The following CSMD3 variants were observed in gnomAD, a reference collection of about 807,000 sequenced individuals.
CSMD3 encodes the protein CUB and sushi domain-containing protein 3.
CSMD3 carries 177 observed loss-of-function variants against 435.2 expected under a neutral mutation model. The ratio of observed to expected loss-of-function variants is 0.41; its 90% CI spans 0.36 to 0.46. The LOEUF (loss-of-function observed/expected upper bound fraction) is 0.46, where lower values mean the gene tolerates loss of function less well. Among genes scored for constraint, CSMD3 ranks in the 20% least tolerant of loss-of-function variants. The pLI is 0.34. For missense variants in CSMD3, 4,265 were observed against 4,504.6 expected (o/e 0.95, Z 1.52); for synonymous variants, 1,656 against 1,520.5 (o/e 1.09, Z -2.07).
chr8:112,376,213 T>A (rs1828927866), intron 38 of CSMD3, among the ~76,000 whole-genome samples: 1 of 152,164 alleles, frequency 6.6e-6, no homozygotes, highest in Admixed American at 6.6e-5. Context: ...GCTTTATCTT[T>A]CTGAATCTTC....
rs575480181 is a variant in CSMD3 at position 112,237,493 on chromosome 8, T to C, written c.10469-145A>G. The stretch of plus-strand genomic sequence containing the variant: ...TGTGTTACAAAATTAATTCTTCATA[T>C]AAAAATGTTTCCATTTTTTAGAATA... On this transcript the variant is annotated intron_variant, in intron 66 of 70. Coordinates refer to ENST00000297405, the MANE Select transcript of CSMD3 (RefSeq NM_198123.2). The C allele has an allele frequency of 5.0e-4, 337 of 678,596 alleles. 2 individuals carry two copies. The highest frequency in any genetic ancestry group is 8.2e-4 in the Non-Finnish European group (324 of 394,272). 42.0% of individuals were successfully genotyped at this position (678,596 alleles called of 1,614,324 possible).
At chr8:113,339,172 A>T (rs2094099763) in intron 1 of CSMD3, among the ~76,000 whole-genome samples, 1 of 151,994 alleles carries the variant, frequency 6.6e-6, no homozygotes, top group African/African-American at 2.4e-5. Context: ...CAATATTTTA[A>T]ACATAATGAA....
At chr8:112,485,280 T>C (rs1250259287) in intron 31 of CSMD3, among the ~76,000 whole-genome samples, 3 of 152,144 alleles carry the variant, frequency 2.0e-5, no homozygotes, top group Non-Finnish European at 2.9e-5. Context: ...TTCCAACACA[T>C]AATCTGTGTA....
At chr8:113,216,532 C>G (rs2092908216) in intron 3 of CSMD3, among the ~76,000 whole-genome samples, 1 of 151,804 alleles carries the variant, frequency 6.6e-6, no homozygotes, top group African/African-American at 2.4e-5. Context: ...AAACAAGCTT[C>G]AAAAAATGTT....
At chr8:113,041,347 G>A (rs2087607917) in intron 5 of CSMD3, among the ~76,000 whole-genome samples, 1 of 151,906 alleles carries the variant, frequency 6.6e-6, no homozygotes, top group Non-Finnish European at 1.5e-5. Flanking sequence ...ATAAAAATAG[G>A]AAGAGAAATG....
intron 48 of CSMD3, 81 bp from the exon 49 acceptor site, chr8:112,314,133 T>A (rs2130833518): frequency 1.9e-6 from 2 of 1,065,078 alleles, no homozygotes; most frequent in Non-Finnish European, 2.8e-6. Flanking sequence ...TTTAGAATAG[T>A]ATTAAATATG....
chr8:113,079,723 T>A (rs2089480997), intron 5 of CSMD3, among the ~76,000 whole-genome samples: 1 of 152,092 alleles, frequency 6.6e-6, no homozygotes, highest in Admixed American at 6.5e-5. Flanking sequence ...AATTCAGAAA[T>A]GTTTTTTTCG....
chr8:112,888,788 G>A (rs1029512222), intron 10 of CSMD3, among the ~76,000 whole-genome samples: 15 of 151,544 alleles, frequency 9.9e-5, no homozygotes, highest in Non-Finnish European at 1.9e-4. Flanking sequence ...TCTTTCCCAG[G>A]TGTCAGAGAG....
chr8:113,350,997 A>T (rs547147896), intron 1 of CSMD3, among the ~76,000 whole-genome samples: 1 of 152,018 alleles, frequency 6.6e-6, no homozygotes, highest in African/African-American at 2.4e-5. Context: ...CTTTAGGTTC[A>T]CAATGCCCTG....
intron 4 of CSMD3, among the ~76,000 whole-genome samples, chr8:113,173,019 C>CAAAA (rs2092293251): frequency 1.3e-5 from 2 of 152,072 alleles, no homozygotes; most frequent in African/African-American, 4.8e-5. Context: ...TAAACAAATG[C>CAAAA]AGCATAATTA....
chr8:113,122,596 A>G (rs2091015912), intron 4 of CSMD3, among the ~76,000 whole-genome samples: 1 of 152,030 alleles, frequency 6.6e-6, no homozygotes, highest in South Asian at 2.1e-4. Flanking sequence ...GAGGGAGAAG[A>G]AGGAATCAGA....
chr8:112,408,479 A>T (rs1338657648), intron 33 of CSMD3, 66 bp from the exon 34 acceptor site: 29 of 973,086 alleles, frequency 3.0e-5, no homozygotes, highest in Non-Finnish European at 4.2e-5. Flanking sequence ...AACAAATTAT[A>T]TTATAATCTT....
At position 113,405,110 on chromosome 8, in the gene CSMD3, A is replaced by C. The variant is rs138414277; in HGVS notation, c.178+31567T>G. Among the ~76,000 whole-genome samples the C allele has an allele frequency of 9.4e-4, 142 of 151,670 alleles. 1 individual carries two copies. The highest frequency in any genetic ancestry group is 3.1e-3 in the African/African-American group (130 of 41,528). Reference sequence around the variant, plus strand: ...TAACAATTTCATAAAGCTATGAAGGAGGCTTTCTTTGTGTTTAATCCCAGT... The same window carrying C: ...TAACAATTTCATAAAGCTATGAAGGCGGCTTTCTTTGTGTTTAATCCCAGT... On this transcript the variant is annotated intron_variant, in intron 1 of 70. Transcript: ENST00000297405.
chr8:112,999,009 T>C (rs952637619), intron 6 of CSMD3, among the ~76,000 whole-genome samples: 1 of 152,022 alleles, frequency 6.6e-6, no homozygotes, highest in African/African-American at 2.4e-5. Flanking sequence ...CAGGTATTTC[T>C]TTACAGCAGT....
At chr8:113,022,504 T>C (rs920814879) in intron 5 of CSMD3, among the ~76,000 whole-genome samples, 3 of 151,810 alleles carry the variant, frequency 2.0e-5, no homozygotes, top group South Asian at 2.1e-4. Context: ...ATATTTCAGA[T>C]AGTGGCAAAT....
intron 1 of CSMD3, among the ~76,000 whole-genome samples, chr8:113,337,857 A>C (rs562668694): frequency 2.0e-4 from 31 of 152,000 alleles, no homozygotes; most frequent in African/African-American, 7.2e-4. Flanking sequence ...TTTACCACAA[A>C]AAAAAAATGA....
At chr8:112,431,748 T>C (rs761495419) in intron 32 of CSMD3, among the ~76,000 whole-genome samples, 1 of 152,150 alleles carries the variant, frequency 6.6e-6, no homozygotes, top group African/African-American at 2.4e-5. Flanking sequence ...AGCTACATAC[T>C]CCTTTTTGAG....
At chr8:113,335,011 T>C (rs545126791) in intron 1 of CSMD3, among the ~76,000 whole-genome samples, 83 of 152,074 alleles carry the variant, frequency 5.5e-4, no homozygotes, top group Non-Finnish European at 1.2e-4. Context: ...TGGGAGGTGA[T>C]TGAATCATAT....
intron 3 of CSMD3, among the ~76,000 whole-genome samples, chr8:113,205,252 G>A (rs554685711): frequency 2.0e-5 from 3 of 152,158 alleles, no homozygotes; most frequent in African/African-American, 4.8e-5. Context: ...CAAAGTGTTG[G>A]GATTACAGGC....
Sources: allele counts gnomAD v4.1 joint callset (sites outside exome capture counted in the v4.1 genomes callset), GRCh38; gene constraint gnomAD v4.1.1; transcripts MANE v1.5; gene names NCBI Gene and HGNC (gene_info 2026-07-23, HGNC 2026-07-21).